The following SCAMP2 variants were observed in gnomAD, a reference collection of about 807,000 sequenced individuals.
SCAMP2 encodes secretory carrier-associated membrane protein 2.
In SCAMP2, 25 loss-of-function variants were observed where a neutral mutation model predicts 44.1. The observed-to-expected ratio is 0.57, with a 90% CI of 0.41 to 0.79. The LOEUF is 0.79. Ranked by LOEUF, SCAMP2 falls within the 30% of genes least tolerant of loss-of-function variation. The pLI, the probability that SCAMP2 is intolerant of heterozygous loss-of-function variation, is 0.00. For missense variants in SCAMP2, 355 were observed against 411.0 expected, an observed-to-expected ratio of 0.86 and a Z score of 1.18; for synonymous variants, 156 against 166.0, an observed-to-expected ratio of 0.94 and a Z score of 0.46.
At chr15:74,848,266 C>T (rs750022476) in intron 7 of SCAMP2, among the ~76,000 whole-genome samples, 62 of 152,076 alleles carry the variant, frequency 4.1e-4, no homozygotes, top group Admixed American at 7.9e-4. Context: ...ACAAGGTCTT[C>T]CTGTGTTTCC....
At chr15:74,845,354 A>C in intron 8 of SCAMP2, 119 bp downstream of exon 8, 1 of 1,580,738 alleles carries the variant, frequency 6.3e-7, no homozygotes, top group Non-Finnish European at 8.6e-7. Flanking sequence ...GGAGAAAGGT[A>C]CTGGACCTTT....
intron 1 of SCAMP2, among the ~76,000 whole-genome samples, chr15:74,862,503 G>C (rs2064513649): frequency 6.6e-6 from 1 of 151,000 alleles, no homozygotes; most frequent in Non-Finnish European, 1.5e-5. Flanking sequence ...TTGAACCCAG[G>C]AGGCAGAGGC....
At chr15:74,861,110 G>C (rs1220444837) in intron 1 of SCAMP2, among the ~76,000 whole-genome samples, 1 of 152,078 alleles carries the variant, frequency 6.6e-6, no homozygotes, top group African/African-American at 2.4e-5. Context: ...AGGAGGCAGA[G>C]GTTGCAGTGA....
At chr15:74,852,694 A>T (rs2064443151) in intron 3 of SCAMP2, 1 of 152,956 alleles carries the variant, frequency 6.5e-6, no homozygotes, top group Non-Finnish European at 1.5e-5. Flanking sequence ...CAGGATCTGT[A>T]CAAGCACCCT....
At chr15:74,856,422 C>A (rs1391950515) in intron 1 of SCAMP2, among the ~76,000 whole-genome samples, 3 of 151,110 alleles carry the variant, frequency 2.0e-5, no homozygotes, top group Non-Finnish European at 4.4e-5. Context: ...TTACAGGCGC[C>A]TGCCACCACA....
intron 1 of SCAMP2, among the ~76,000 whole-genome samples, chr15:74,857,164 A>G (rs1281463416): frequency 6.6e-6 from 1 of 152,216 alleles, no homozygotes; most frequent in East Asian, 1.9e-4. Context: ...GCATACAGCC[A>G]GAACTCACTG....
intron 1 of SCAMP2, 47 bp from the exon 2 acceptor site, chr15:74,854,696 G>A (rs1367787407): frequency 6.5e-7 from 1 of 1,531,452 alleles, no homozygotes; most frequent in Admixed American, 1.9e-5. Flanking sequence ...GAAAATCCGG[G>A]CCAGGGGCCG....
At chr15:74,846,230 C>T (rs936871284) in intron 7 of SCAMP2, among the ~76,000 whole-genome samples, 8 of 150,742 alleles carry the variant, frequency 5.3e-5, no homozygotes, top group African/African-American at 1.7e-4. Context: ...TGCAGTGAGC[C>T]GAGATCATGC....
intron 1 of SCAMP2, among the ~76,000 whole-genome samples, chr15:74,863,464 T>C (rs2064522104): frequency 1.3e-5 from 2 of 151,552 alleles, no homozygotes; most frequent in African/African-American, 2.4e-5. Flanking sequence ...TGAGCCATGA[T>C]TGCGCTACTG....
At chr15:74,859,516 A>AG (rs1304993637) in intron 1 of SCAMP2, among the ~76,000 whole-genome samples, 1 of 151,846 alleles carries the variant, frequency 6.6e-6, no homozygotes, top group Admixed American at 6.6e-5. Flanking sequence ...ACTGCAAGGC[A>AG]GGGGGGCACT....
At chr15:74,858,154 C>T (rs2064479019) in intron 1 of SCAMP2, among the ~76,000 whole-genome samples, 1 of 152,134 alleles carries the variant, frequency 6.6e-6, no homozygotes, top group Non-Finnish European at 1.5e-5. Flanking sequence ...GGAGGAGGGA[C>T]TGGGGAAGGA....
chr15:74,863,511 CA>C (rs753844483), intron 1 of SCAMP2, among the ~76,000 whole-genome samples: 431 of 131,974 alleles, frequency 3.3e-3, no homozygotes, highest in African/African-American at 6.8e-3. Flanking sequence ...ACCCCATCTC[CA>C]AAAAAAAAAA....
rs968728557 is a variant in SCAMP2, at chr15:74,850,602, C to T, written c.544G>A (p.Val182Met). 3.7e-6 allele frequency: 6 copies of T among 1,614,178 alleles called. No homozygotes were observed. The highest frequency in any genetic ancestry group is 2.7e-5 in the African/African-American group (2 of 75,034). ...AWFSGNSSKG[V>M]DFGLSILWFL... is the part of the protein sequence containing the mutation. ...CACAGGATGGAGAGGCCAAAGTCCA[C>T]TCCCTTGGAGCTGTTGCCCGAGAAC... is the stretch of plus-strand genomic sequence containing the variant. Residue 182 changes from valine (V) to methionine (M), a missense_variant, in exon 6 of 9, where the codon GTG (valine) becomes ATG (methionine). Coordinates refer to ENST00000268099, the MANE Select transcript of SCAMP2 (RefSeq NM_005697.5).
chr15:74,857,225 C>A (rs1034224450), intron 1 of SCAMP2, among the ~76,000 whole-genome samples: 9 of 152,196 alleles, frequency 5.9e-5, no homozygotes, highest in Non-Finnish European at 8.8e-5. Context: ...ACCTCCTCTG[C>A]GACAGACTGT....
intron 1 of SCAMP2, among the ~76,000 whole-genome samples, chr15:74,858,806 CTTTTTT>C (rs917391053): frequency 3.3e-3 from 301 of 91,250 alleles, no homozygotes; most frequent in African/African-American, 0.013. Context: ...AGAGCTGGTT[CTTTTTT>C]TTTTTTTTTT....
In SCAMP2 at chr15:74,855,260, T is replaced by C. The variant is rs560936370; in HGVS notation, c.58-611A>G. 3.4e-4 allele frequency among the ~76,000 whole-genome samples: 52 copies of C among 151,478 alleles called. No homozygotes were observed. In the South Asian group the frequency reaches 0.011, roughly 32 times the overall value. ...CTGGGACTACAGGCGGCCGCCACCA[T>C]ACCCGGCTAATTTTTGTATTTTTAG... On this transcript the variant is annotated intron_variant, in intron 1 of 8. Transcript: ENST00000268099.
chr15:74,855,362 G>A (rs2064462171), intron 1 of SCAMP2, among the ~76,000 whole-genome samples: 2 of 151,978 alleles, frequency 1.3e-5, no homozygotes, highest in South Asian at 2.1e-4. Flanking sequence ...TCGGCCTCCC[G>A]AAGTGCTGGG....
chr15:74,863,109 C>G (rs1449569158), intron 1 of SCAMP2, among the ~76,000 whole-genome samples: 2 of 151,800 alleles, frequency 1.3e-5, no homozygotes, highest in South Asian at 2.1e-4. Flanking sequence ...TTTTGGGAGG[C>G]TGAGGTGGAC....
intron 1 of SCAMP2, among the ~76,000 whole-genome samples, chr15:74,867,041 C>T (rs1374205671): frequency 6.6e-6 from 1 of 152,138 alleles, no homozygotes; most frequent in African/African-American, 2.4e-5. Flanking sequence ...GTGATCCGCC[C>T]GCCTTGGCCT....
Sources: gnomAD v4.1 joint callset for allele counts (sites outside exome capture counted in the v4.1 genomes callset) on GRCh38, gnomAD v4.1.1 for gene constraint, MANE v1.5 for transcripts, NCBI Gene and HGNC (gene_info 2026-07-23, HGNC 2026-07-21) for gene names.